KIAA0825: variants seen among roughly 807,000 people sequenced by gnomAD.
KIAA0825 encodes the protein uncharacterized protein KIAA0825.
Under a neutral mutation model 147.6 loss-of-function variants are expected in KIAA0825, and 119 were observed. That is an observed-to-expected ratio of 0.81 (90% CI 0.69 to 0.94). The LOEUF (loss-of-function observed/expected upper bound fraction) is 0.94. Among genes scored for constraint, KIAA0825 ranks in the 40% least tolerant of loss-of-function variants. The probability of loss-of-function intolerance (pLI) is 0.00; values close to 1 mark genes in which losing one functional copy is unlikely to be tolerated. For missense variants in KIAA0825, 1,381 were observed against 1,472.7 expected (o/e 0.94, Z 1.02); for synonymous variants, 470 against 518.1 (o/e 0.91, Z 1.26).
At chr5:94,236,767 G>A (rs1427405397) in intron 20 of KIAA0825, among the ~76,000 whole-genome samples, 3 of 152,130 alleles carry the variant, frequency 2.0e-5, no homozygotes, top group Non-Finnish European at 4.4e-5. Context: ...TGTCAACTTC[G>A]AGACAAGACT....
At chr5:94,434,908 T>G (rs1043177829) in intron 14 of KIAA0825, among the ~76,000 whole-genome samples, 2 of 152,208 alleles carry the variant, frequency 1.3e-5, no homozygotes, top group Non-Finnish European at 2.9e-5. Flanking sequence ...AATTTCAACA[T>G]GAGGTTTGAA....
intron 1 of KIAA0825, among the ~76,000 whole-genome samples, chr5:94,584,700 ATAC>A (rs1439854497): frequency 6.6e-6 from 1 of 152,150 alleles, no homozygotes; most frequent in African/African-American, 2.4e-5. Context: ...CACCACATAG[ATAC>A]TCCTCGAGAA....
At chr5:94,464,350 G>T (rs1208475613) in intron 11 of KIAA0825, among the ~76,000 whole-genome samples, 1 of 152,038 alleles carries the variant, frequency 6.6e-6, no homozygotes, top group Admixed American at 6.5e-5. Context: ...TGTTGAACTG[G>T]CTGTTAGTAA....
intron 20 of KIAA0825, among the ~76,000 whole-genome samples, chr5:94,154,483 C>T (rs1766846114): frequency 1.3e-5 from 2 of 152,050 alleles, no homozygotes; most frequent in African/African-American, 4.8e-5. Context: ...GCATTTTTTC[C>T]CTCACTGATT....
intron 16 of KIAA0825, among the ~76,000 whole-genome samples, chr5:94,400,981 A>AT (rs571097397): frequency 2.7e-4 from 41 of 151,666 alleles, no homozygotes; most frequent in Admixed American, 5.3e-4. Flanking sequence ...AGTAAGTTAG[A>AT]TTTTTTTTTA....
chr5:94,394,013 ATT>A (rs979059223), intron 17 of KIAA0825, among the ~76,000 whole-genome samples: 1 of 149,690 alleles, frequency 6.7e-6, no homozygotes, highest in South Asian at 2.1e-4. Flanking sequence ...CACCCAGCTA[ATT>A]TTTTTTTTGT....
chr5:94,200,819 T>C (rs1490706251), intron 20 of KIAA0825, among the ~76,000 whole-genome samples: 3 of 151,912 alleles, frequency 2.0e-5, no homozygotes, highest in Admixed American at 6.6e-5. Context: ...ACTCCTTAAA[T>C]TTCTGCTCCC....
At chr5:94,172,950 A>C (rs921625692) in intron 20 of KIAA0825, among the ~76,000 whole-genome samples, 8 of 152,228 alleles carry the variant, frequency 5.3e-5, no homozygotes, top group African/African-American at 1.7e-4. Context: ...TGCTTGGCAC[A>C]TGAGAGATAC....
chr5:94,244,529 G>A (rs1428996084), intron 20 of KIAA0825, among the ~76,000 whole-genome samples: 8 of 152,070 alleles, frequency 5.3e-5, no homozygotes, highest in Admixed American at 5.2e-4. Flanking sequence ...TGGAGACAAG[G>A]TCTCAGTATG....
At chr5:94,365,807 G>A (rs1311541045) in intron 20 of KIAA0825, among the ~76,000 whole-genome samples, 1 of 152,198 alleles carries the variant, frequency 6.6e-6, no homozygotes, top group Non-Finnish European at 1.5e-5. Context: ...TAACAAATTA[G>A]CTAGAAGATG....
intron 6 of KIAA0825, among the ~76,000 whole-genome samples, chr5:94,478,698 A>G (rs1353906995): frequency 6.6e-6 from 1 of 152,218 alleles, no homozygotes; most frequent in African/African-American, 2.4e-5. Flanking sequence ...ATCACTTCTA[A>G]TTGAAATAAA....
intron 20 of KIAA0825, among the ~76,000 whole-genome samples, chr5:94,383,905 C>G (rs550060077): frequency 6.6e-6 from 1 of 151,644 alleles, no homozygotes; most frequent in Non-Finnish European, 1.5e-5. Context: ...AAAATTCAAT[C>G]ATGACAGTTT....
At chr5:94,593,902 C>T (rs1033091777) in intron 1 of KIAA0825, 10 of 416,408 alleles carry the variant, frequency 2.4e-5, no homozygotes, top group South Asian at 9.8e-5. Flanking sequence ...CTCATTTGGA[C>T]GAAGTGGGAA....
At chr5:94,529,360 A>ATCATATATGTATATATC (rs1561269059) in intron 3 of KIAA0825, among the ~76,000 whole-genome samples, 5 of 144,566 alleles carry the variant, frequency 3.5e-5, no homozygotes, top group East Asian at 2.0e-4. Context: ...ATATGTATAT[A>ATCATATATGTATATATC]TCATATATGT....
intron 12 of KIAA0825, among the ~76,000 whole-genome samples, chr5:94,454,609 G>A (rs1471411884): frequency 1.3e-5 from 2 of 152,192 alleles, no homozygotes; most frequent in South Asian, 2.1e-4. Flanking sequence ...GTAGGCAGAA[G>A]CCAGACCAGG....
At chr5:94,552,989 T>C (rs1775821960) in intron 2 of KIAA0825, among the ~76,000 whole-genome samples, 1 of 152,208 alleles carries the variant, frequency 6.6e-6, no homozygotes, top group South Asian at 2.1e-4. Context: ...ATACTATATA[T>C]TTTCAAATAG....
At chr5:94,359,484 C>T (rs1744762073) in intron 20 of KIAA0825, among the ~76,000 whole-genome samples, 1 of 152,202 alleles carries the variant, frequency 6.6e-6, no homozygotes, top group Admixed American at 6.5e-5. Context: ...AGGCCATGTG[C>T]AGTGGCTCAC....
chr5:94,554,895 A>G (rs553402725), intron 2 of KIAA0825, among the ~76,000 whole-genome samples: 83 of 151,134 alleles, frequency 5.5e-4, no homozygotes, highest in Non-Finnish European at 1.1e-3. Flanking sequence ...TGGGATTCCT[A>G]TTGCTTCAAG....
At chr5:94,598,073 A>G (rs549640630) in intron 1 of KIAA0825, among the ~76,000 whole-genome samples, 1 of 152,236 alleles carries the variant, frequency 6.6e-6, no homozygotes, top group East Asian at 1.9e-4. Flanking sequence ...TATATTTGTA[A>G]AAAGTATTTT....
Sources: allele counts gnomAD v4.1 joint callset (sites outside exome capture counted in the v4.1 genomes callset), GRCh38; gene constraint gnomAD v4.1.1; transcripts MANE v1.5; gene names NCBI Gene and HGNC (gene_info 2026-07-23, HGNC 2026-07-21).